FOXP2: variants seen among roughly 807,000 people sequenced by gnomAD.
FOXP2 encodes forkhead box P2, also known as forkhead box protein P2.
A neutral mutation model predicts 115.8 loss-of-function variants in FOXP2; 12 were observed. The observed-to-expected ratio is 0.10, with a 90% confidence interval of 0.07 to 0.17. FOXP2 has a LOEUF of 0.17. Among genes scored for constraint, FOXP2 ranks in the 10% least tolerant of loss-of-function variants. The probability of loss-of-function intolerance (pLI) is 1.00; values close to 1 mark genes in which losing one functional copy is unlikely to be tolerated. For synonymous variants in FOXP2, 328 were observed against 297.7 expected, an observed-to-expected ratio of 1.10 and a Z score of -1.05; for missense variants, 629 against 843.5, an observed-to-expected ratio of 0.75 and a Z score of 3.15.
intron 16 of FOXP2, among the ~76,000 whole-genome samples, chr7:114,683,250 A>G (rs1808192035): frequency 6.6e-6 from 1 of 152,200 alleles, no homozygotes; most frequent in African/African-American, 2.4e-5. Context: ...ATGTATTTAC[A>G]GTGTGCTATG....
intron 3 of FOXP2, among the ~76,000 whole-genome samples, chr7:114,588,271 CA>C (rs1255671629): frequency 6.6e-6 from 1 of 151,976 alleles, no homozygotes; most frequent in Non-Finnish European, 1.5e-5. Flanking sequence ...CGCACCACTG[CA>C]ATCCAGCCTG....
At chr7:114,398,402 T>G (rs902478789) in intron 2 of FOXP2, among the ~76,000 whole-genome samples, 2 of 152,090 alleles carry the variant, frequency 1.3e-5, no homozygotes, top group Non-Finnish European at 2.9e-5. Context: ...TGGGAAGATA[T>G]TTGCAAAAAA....
chr7:114,437,918 T>C (rs1794427577), intron 2 of FOXP2, among the ~76,000 whole-genome samples: 1 of 152,200 alleles, frequency 6.6e-6, no homozygotes, highest in Non-Finnish European at 1.5e-5. Context: ...TGAGACGTGC[T>C]TTAAGTGTAA....
At chr7:114,182,871 G>A (rs552069192) in intron 1 of FOXP2, among the ~76,000 whole-genome samples, 44 of 152,016 alleles carry the variant, frequency 2.9e-4, no homozygotes, top group South Asian at 2.5e-3. Flanking sequence ...ATAGGCCATC[G>A]TTGGCACTAA....
chr7:114,173,638 T>G (rs1793208721), intron 1 of FOXP2, among the ~76,000 whole-genome samples: 1 of 151,950 alleles, frequency 6.6e-6, no homozygotes, highest in African/African-American at 2.4e-5. Context: ...AACTTGGCAT[T>G]TGTAAGATAT....
chr7:114,190,558 A>G (rs1164329260), intron 1 of FOXP2, among the ~76,000 whole-genome samples: 3 of 152,150 alleles, frequency 2.0e-5, no homozygotes, highest in African/African-American at 7.2e-5. Context: ...ATGGAAAACC[A>G]TGGGACTTCT....
intron 2 of FOXP2, among the ~76,000 whole-genome samples, chr7:114,336,538 A>AT (rs2129183722): frequency 6.6e-6 from 1 of 151,298 alleles, no homozygotes; most frequent in South Asian, 2.1e-4. Context: ...AAATAAATAC[A>AT]TTTTCCTAGA....
chr7:114,121,889 C>T (rs886453386), intron 1 of FOXP2, among the ~76,000 whole-genome samples: 2 of 152,000 alleles, frequency 1.3e-5, no homozygotes, highest in African/African-American at 4.8e-5. Context: ...CAAAAATATT[C>T]CTTGTGGGAA....
chr7:114,574,700 G>A (rs1479434741), intron 3 of FOXP2, among the ~76,000 whole-genome samples: 1 of 151,884 alleles, frequency 6.6e-6, no homozygotes, highest in Non-Finnish European at 1.5e-5. Context: ...TTACACCTAA[G>A]TGAATACTGT....
intron 1 of FOXP2, among the ~76,000 whole-genome samples, chr7:114,145,912 AC>A: frequency 6.6e-6 from 1 of 152,186 alleles, no homozygotes; most frequent in East Asian, 1.9e-4. Flanking sequence ...AAATCTTTTG[AC>A]ATAGGACTTG....
intron 2 of FOXP2, among the ~76,000 whole-genome samples, chr7:114,453,085 T>G (rs1189775733): frequency 6.6e-6 from 1 of 152,122 alleles, no homozygotes; most frequent in Non-Finnish European, 1.5e-5. Flanking sequence ...CCATATTTGT[T>G]TGGGAAATTT....
chr7:114,572,780 A>C (rs1295566347), intron 3 of FOXP2, among the ~76,000 whole-genome samples: 2 of 151,904 alleles, frequency 1.3e-5, no homozygotes, highest in African/African-American at 4.8e-5. Context: ...GAGAAAAGAA[A>C]TCTATAGCAT....
chr7:114,243,262 GAAA>G (rs61609626), intron 1 of FOXP2, among the ~76,000 whole-genome samples: 3 of 107,062 alleles, frequency 2.8e-5, no homozygotes, highest in African/African-American at 6.5e-5. Flanking sequence ...CCATGAGCCA[GAAA>G]AAAAAAAAAA....
intron 2 of FOXP2, among the ~76,000 whole-genome samples, chr7:114,298,469 C>T (rs1796797626): frequency 6.6e-6 from 1 of 152,094 alleles, no homozygotes; most frequent in African/African-American, 2.4e-5. Flanking sequence ...TAATACTATC[C>T]AACATGTTGT....
intron 10 of FOXP2, among the ~76,000 whole-genome samples, chr7:114,655,451 G>A (rs1444217616): frequency 6.6e-6 from 1 of 152,018 alleles, no homozygotes; most frequent in East Asian, 1.9e-4. Context: ...GTTTGATGGT[G>A]GGCAATTAAT....
At chr7:114,394,621 G>A (rs909684828) in intron 2 of FOXP2, among the ~76,000 whole-genome samples, 1 of 152,162 alleles carries the variant, frequency 6.6e-6, no homozygotes, top group African/African-American at 2.4e-5. Flanking sequence ...CTGAAATCAT[G>A]TCCCACTTGA....
chr7:114,617,343 C>G (rs1804003240), intron 3 of FOXP2, among the ~76,000 whole-genome samples: 1 of 152,176 alleles, frequency 6.6e-6, no homozygotes, highest in Non-Finnish European at 1.5e-5. Flanking sequence ...AAACATCTCT[C>G]AAATGCTCCC....
At position 114,673,413 on chromosome 7, in the gene FOXP2, TC is replaced by T. The variant is rs535136149; in HGVS notation, c.2003+8978del. On this transcript the variant is annotated intron_variant, in intron 16 of 16. Coordinates refer to ENST00000350908, the MANE Select transcript of FOXP2 (RefSeq NM_014491.4). ...ATTACAGCTGTTTTGGTCACAACTA[TC>T]ACTTTTATAAAGTCAAATAGAGTGA... 1.1e-4 allele frequency among the ~76,000 whole-genome samples: 17 copies of T among 152,348 alleles called. No homozygotes were observed. In the East Asian group the frequency reaches 2.9e-3, roughly 26 times the overall value.
chr7:114,246,292 T>C (rs528916137), intron 1 of FOXP2, among the ~76,000 whole-genome samples: 2 of 152,244 alleles, frequency 1.3e-5, no homozygotes, highest in South Asian at 2.1e-4. Flanking sequence ...AAATCTGGGC[T>C]AGCAGTAAAG....
Sources: gnomAD v4.1 joint callset for allele counts (sites outside exome capture counted in the v4.1 genomes callset) on GRCh38, gnomAD v4.1.1 for gene constraint, MANE v1.5 for transcripts, NCBI Gene and HGNC (gene_info 2026-07-23, HGNC 2026-07-21) for gene names.